Variants in THSD4 observed in about 807,000 individuals in gnomAD.
The protein encoded by THSD4 is thrombospondin type-1 domain-containing protein 4.
In THSD4, 69 loss-of-function variants were observed where a neutral mutation model predicts 119.0. The observed-to-expected ratio is 0.58, with a 90% CI of 0.48 to 0.71. The LOEUF is 0.71. Among genes scored for constraint, THSD4 ranks in the 30% least tolerant of loss-of-function variants. The probability of loss-of-function intolerance (pLI) is 0.00; values close to 1 mark genes in which losing one functional copy is unlikely to be tolerated. For missense variants in THSD4, 1,393 were observed against 1,391.1 expected (o/e 1.00, Z -0.02); for synonymous variants, 524 against 540.4 (o/e 0.97, Z 0.42).
intron 7 of THSD4, among the ~76,000 whole-genome samples, chr15:71,608,829 A>G (rs770281151): frequency 6.6e-6 from 1 of 152,212 alleles, no homozygotes; most frequent in African/African-American, 2.4e-5. Context: ...TGAGTATTCT[A>G]ATGCAATGAC....
At chr15:71,304,086 G>A (rs1204759807) in intron 6 of THSD4, among the ~76,000 whole-genome samples, 1 of 152,216 alleles carries the variant, frequency 6.6e-6, no homozygotes, top group African/African-American at 2.4e-5. Flanking sequence ...TTTTATGGGT[G>A]AGATGCCTCT....
intron 6 of THSD4, among the ~76,000 whole-genome samples, chr15:71,373,573 G>A (rs1026266241): frequency 6.6e-6 from 1 of 152,110 alleles, no homozygotes; most frequent in African/African-American, 2.4e-5. Context: ...ATCTTTTCTG[G>A]ATCCATAAGA....
chr15:71,592,458 C>T (rs2049825061), intron 7 of THSD4, among the ~76,000 whole-genome samples: 3 of 152,218 alleles, frequency 2.0e-5, no homozygotes, highest in Admixed American at 6.5e-5. Flanking sequence ...GCTGTTTGCC[C>T]GGCATGACAA....
At chr15:71,349,401 A>G (rs1263068293) in intron 6 of THSD4, among the ~76,000 whole-genome samples, 1 of 152,140 alleles carries the variant, frequency 6.6e-6, no homozygotes, top group Non-Finnish European at 1.5e-5. Context: ...GTAGAAAACA[A>G]AGATGACACG....
At chr15:71,519,586 T>G (rs2048410274) in intron 7 of THSD4, among the ~76,000 whole-genome samples, 1 of 152,208 alleles carries the variant, frequency 6.6e-6, no homozygotes, top group African/African-American at 2.4e-5. Context: ...GGTCTCAAAC[T>G]CCTGACCTCA....
chr15:71,482,618 T>C (rs2047750830), intron 7 of THSD4, among the ~76,000 whole-genome samples: 1 of 137,782 alleles, frequency 7.3e-6, no homozygotes, highest in Admixed American at 7.4e-5. Context: ...GGAGTTTTGC[T>C]CTTATTGCCC....
intron 3 of THSD4, among the ~76,000 whole-genome samples, chr15:71,199,689 TG>T (rs2043766015): frequency 1.9e-5 from 1 of 53,342 alleles, no homozygotes; most frequent in Non-Finnish European, 5.3e-5. Context: ...TGTGTGTGTG[TG>T]GTGTGTGTGG....
At chr15:71,514,846 T>C (rs1426061593) in intron 7 of THSD4, among the ~76,000 whole-genome samples, 1 of 152,216 alleles carries the variant, frequency 6.6e-6, no homozygotes, top group African/African-American at 2.4e-5. Flanking sequence ...CATTTCTCTC[T>C]ATCAGAGGGT....
intron 6 of THSD4, among the ~76,000 whole-genome samples, chr15:71,344,606 C>T (rs140139779): frequency 8.6e-4 from 131 of 152,168 alleles, no homozygotes; most frequent in Non-Finnish European, 9.9e-4. Context: ...AGCACTGTGC[C>T]GTAAGCATAT....
At position 71,442,669 on chromosome 15, in the gene THSD4, T is replaced by TATAC. The variant is rs1273154725; in HGVS notation, c.1152+30849_1152+30850insCATA. Among the ~76,000 whole-genome samples the TATAC allele has an allele frequency of 1.0e-3, 91 of 88,990 alleles. 7 individuals are homozygous for TATAC. Among genetic ancestry groups the TATAC allele is most frequent in the African/African-American group, 3.4e-3 (84 of 24,794 alleles). The allele number at this position is 88,990 out of a possible 152,430, so 58.4% of individuals were successfully genotyped here. A position where few individuals can be genotyped will look rare whatever the true frequency, so the allele number is the denominator to read the frequency against. ...ATGTGTGTGTGTGTGTGTATATATATATATATATATATATATATATATATA... is the reference window on the plus strand; with the variant it reads ...ATGTGTGTGTGTGTGTGTATATATATATACATATATATATATATATATATATATA... On this transcript the variant is annotated intron_variant, in intron 7 of 17. Coordinates refer to ENST00000261862, the MANE Select transcript of THSD4 (RefSeq NM_024817.3).
At chr15:71,572,537 T>G (rs2049377127) in intron 7 of THSD4, among the ~76,000 whole-genome samples, 1 of 152,068 alleles carries the variant, frequency 6.6e-6, no homozygotes, top group Non-Finnish European at 1.5e-5. Context: ...GAAGAGACAC[T>G]GGCTTGCCCT....
intron 8 of THSD4, among the ~76,000 whole-genome samples, chr15:71,688,870 T>G (rs2051980908): frequency 6.6e-6 from 1 of 152,152 alleles, no homozygotes. Flanking sequence ...TTCAATTATT[T>G]GCTTACTTTG....
chr15:71,249,667 A>C (rs886639653), intron 5 of THSD4, among the ~76,000 whole-genome samples: 2 of 151,832 alleles, frequency 1.3e-5, no homozygotes, highest in African/African-American at 4.8e-5. Flanking sequence ...TTTCATGGTT[A>C]TAAAAAGTAC....
At chr15:71,756,849 G>C (rs1294149211) in intron 14 of THSD4, among the ~76,000 whole-genome samples, 1 of 152,218 alleles carries the variant, frequency 6.6e-6, no homozygotes, top group Non-Finnish European at 1.5e-5. Flanking sequence ...CGTATGGCAA[G>C]ACAGATGGAA....
intron 6 of THSD4, among the ~76,000 whole-genome samples, chr15:71,350,218 A>C (rs1250552608): frequency 6.6e-6 from 1 of 152,156 alleles, no homozygotes; most frequent in Non-Finnish European, 1.5e-5. Context: ...CATTAAGTTG[A>C]ACTCAGCTTT....
At chr15:71,422,620 A>C (rs1292711228) in intron 7 of THSD4, among the ~76,000 whole-genome samples, 1 of 151,892 alleles carries the variant, frequency 6.6e-6, no homozygotes, top group Non-Finnish European at 1.5e-5. Context: ...CACCACTGGG[A>C]CTGCGCTGGG....
intron 1 of THSD4, among the ~76,000 whole-genome samples, chr15:71,119,869 C>T (rs968590732): frequency 1.3e-5 from 2 of 152,218 alleles, no homozygotes; most frequent in African/African-American, 4.8e-5. Context: ...CCTACCCACC[C>T]AGCCTCAGTT....
intron 2 of THSD4, among the ~76,000 whole-genome samples, chr15:71,153,931 A>C (rs1055905045): frequency 1.3e-5 from 2 of 152,204 alleles, no homozygotes; most frequent in Non-Finnish European, 2.9e-5. Flanking sequence ...CCGAGGTTAC[A>C]TTTCCAATCA....
At chr15:71,586,801 A>G (rs780372083) in intron 7 of THSD4, among the ~76,000 whole-genome samples, 1 of 152,198 alleles carries the variant, frequency 6.6e-6, no homozygotes, top group Non-Finnish European at 1.5e-5. Flanking sequence ...GGATCATCTT[A>G]GAATTCTGCC....
Sources: gnomAD v4.1 joint callset for allele counts (sites outside exome capture counted in the v4.1 genomes callset) on GRCh38, gnomAD v4.1.1 for gene constraint, MANE v1.5 for transcripts, NCBI Gene and HGNC (gene_info 2026-07-23, HGNC 2026-07-21) for gene names.